AMPH: variants seen among roughly 807,000 people sequenced by gnomAD.
The protein encoded by AMPH is amphiphysin (Stiff-Mann syndrome with breast cancer 128kD autoantigen).
Under a neutral mutation model 99.1 loss-of-function variants are expected in AMPH, and 49 were observed. The observed-to-expected ratio is 0.49, with a 90% confidence interval of 0.39 to 0.63. The LOEUF (loss-of-function observed/expected upper bound fraction) is 0.63. AMPH is among the 20% of genes least tolerant of loss of function. The pLI is 0.00. For synonymous variants in AMPH, 314 were observed against 317.3 expected, an observed-to-expected ratio of 0.99 and a Z score of 0.11; for missense variants, 759 against 863.4, an observed-to-expected ratio of 0.88 and a Z score of 1.52.
chr7:38,468,149 T>C (rs1377256588), intron 7 of AMPH, among the ~76,000 whole-genome samples: 7 of 152,198 alleles, frequency 4.6e-5, no homozygotes, highest in Non-Finnish European at 8.8e-5. Flanking sequence ...CGCACTAGAC[T>C]GGGCCACTTA....
intron 1 of AMPH, among the ~76,000 whole-genome samples, chr7:38,566,056 C>T (rs139817452): frequency 4.3e-4 from 65 of 152,196 alleles, no homozygotes; most frequent in Non-Finnish European, 8.8e-4. Context: ...CCTAAGTCCC[C>T]CACCACCTGC....
chr7:38,537,915 T>C (rs1181581134), intron 1 of AMPH, among the ~76,000 whole-genome samples: 1 of 152,174 alleles, frequency 6.6e-6, no homozygotes. Flanking sequence ...TTTGGTATAT[T>C]AGCAGGGAGA....
At chr7:38,458,872 A>G (rs1029522052) in intron 11 of AMPH, among the ~76,000 whole-genome samples, 1 of 152,190 alleles carries the variant, frequency 6.6e-6, no homozygotes, top group African/African-American at 2.4e-5. Flanking sequence ...AGCCAGAGCA[A>G]TCAGGCAAGA....
intron 1 of AMPH, among the ~76,000 whole-genome samples, chr7:38,624,147 G>A (rs1419093381): frequency 6.6e-6 from 1 of 152,112 alleles, no homozygotes; most frequent in African/African-American, 2.4e-5. Context: ...AGGTTAACAA[G>A]CAAGGACATG....
chr7:38,522,126 A>C (rs760321897), intron 2 of AMPH, among the ~76,000 whole-genome samples: 9 of 152,214 alleles, frequency 5.9e-5, no homozygotes, highest in Admixed American at 1.3e-4. Flanking sequence ...CCAAAAACCA[A>C]GAACCACATT....
chr7:38,548,552 C>T (rs1438644418), intron 1 of AMPH, among the ~76,000 whole-genome samples: 4 of 151,966 alleles, frequency 2.6e-5, no homozygotes, highest in African/African-American at 9.7e-5. Context: ...GGGTAATATC[C>T]AAGGTTCATT....
intron 12 of AMPH, among the ~76,000 whole-genome samples, 183 bp downstream of exon 12, chr7:38,436,089 G>A: frequency 6.6e-6 from 1 of 152,192 alleles, no homozygotes; most frequent in East Asian, 1.9e-4. Flanking sequence ...TGATGGCATG[G>A]GAGTCTTAGA....
chr7:38,593,752 A>G (rs1792945647), intron 1 of AMPH, among the ~76,000 whole-genome samples: 1 of 152,182 alleles, frequency 6.6e-6, no homozygotes, highest in South Asian at 2.1e-4. Context: ...ACAGTCAAAA[A>G]TCCCCACTCA....
chr7:38,555,740 T>C (rs1337950149), intron 1 of AMPH, among the ~76,000 whole-genome samples: 1 of 152,248 alleles, frequency 6.6e-6, no homozygotes, highest in Admixed American at 6.5e-5. Context: ...CAAGTATGTT[T>C]CCACTGCCTA....
chr7:38,582,909 G>T (rs984056974), intron 1 of AMPH, among the ~76,000 whole-genome samples: 3 of 152,124 alleles, frequency 2.0e-5, no homozygotes, highest in Non-Finnish European at 4.4e-5. Context: ...CTTCACTCAA[G>T]CACAATTTGG....
intron 2 of AMPH, among the ~76,000 whole-genome samples, chr7:38,513,426 A>G (rs114342058): frequency 2.3e-4 from 35 of 152,328 alleles, no homozygotes; most frequent in African/African-American, 7.0e-4. Flanking sequence ...GGGATTGTGG[A>G]AAGGTATAGA....
intron 1 of AMPH, among the ~76,000 whole-genome samples, chr7:38,554,469 C>T (rs1028015442): frequency 6.6e-6 from 1 of 152,100 alleles, no homozygotes; most frequent in Admixed American, 6.6e-5. Context: ...CCCAGCAATC[C>T]TACTTCTATA....
In AMPH at chr7:38,603,314, C is replaced by CAA. The variant is rs59085219; in HGVS notation, c.69+27967_69+27968dup. Among the ~76,000 whole-genome samples, 967 of 94,828 alleles carry CAA rather than the reference C, an allele frequency of 0.01. 41 individuals are homozygous for CAA. The East Asian group carries it at 0.12, about 12-fold the overall frequency. The allele number at this position is 94,828 out of a possible 152,430, so 62.2% of individuals were successfully genotyped here. ...CTGGTGACAGAGTGAGACTCTGTCT[C>CAA]AAAAAAAAAAAAAAAAAAAATTATG... On this transcript the variant is annotated intron_variant, in intron 1 of 20. Coordinates refer to ENST00000356264, the MANE Select transcript of AMPH (RefSeq NM_001635.4).
intron 1 of AMPH, among the ~76,000 whole-genome samples, chr7:38,587,955 T>TGCGC (rs370484121): frequency 7.1e-6 from 1 of 140,864 alleles, no homozygotes; most frequent in African/African-American, 2.9e-5. Context: ...TGTGTGCGCG[T>TGCGC]GTGTGTGTGA....
chr7:38,534,397 G>A (rs1354237266), intron 2 of AMPH, among the ~76,000 whole-genome samples: 3 of 152,146 alleles, frequency 2.0e-5, no homozygotes. Flanking sequence ...CGGAGACCGG[G>A]CCTGGTAGCT....
intron 17 of AMPH, among the ~76,000 whole-genome samples, chr7:38,402,575 T>G (rs1374090726): frequency 6.6e-6 from 1 of 152,216 alleles, no homozygotes; most frequent in Non-Finnish European, 1.5e-5. Context: ...AGTCTTGACA[T>G]AGAATCACCT....
intron 11 of AMPH, among the ~76,000 whole-genome samples, chr7:38,440,801 A>C (rs1409478888): frequency 6.6e-6 from 1 of 152,120 alleles, no homozygotes; most frequent in African/African-American, 2.4e-5. Context: ...AAATAAAGAA[A>C]ATTAAAGAGA....
intron 2 of AMPH, among the ~76,000 whole-genome samples, chr7:38,533,138 G>A (rs1790474438): frequency 6.6e-6 from 1 of 152,178 alleles, no homozygotes; most frequent in Non-Finnish European, 1.5e-5. Flanking sequence ...CCACACGCAG[G>A]AGATGTGTGA....
intron 10 of AMPH, among the ~76,000 whole-genome samples, chr7:38,461,826 G>A (rs564936633): frequency 1.3e-5 from 2 of 152,322 alleles, no homozygotes; most frequent in African/African-American, 4.8e-5. Context: ...ACTATAGGCA[G>A]CTTACATTTC....
Sources: allele counts gnomAD v4.1 joint callset (sites outside exome capture counted in the v4.1 genomes callset), GRCh38; gene constraint gnomAD v4.1.1; transcripts MANE v1.5; gene names NCBI Gene and HGNC (gene_info 2026-07-23, HGNC 2026-07-21).